LINGO2: variants seen among roughly 807,000 people sequenced by gnomAD.
The protein encoded by LINGO2 is leucine rich repeat and Ig domain containing 2, also known as leucine-rich repeat and immunoglobulin-like domain-containing nogo receptor-interacting protein 2.
LINGO2 carries 14 observed loss-of-function variants against 30.6 expected under a neutral mutation model. The observed-to-expected ratio is 0.46, with a 90% CI of 0.30 to 0.72. The LOEUF is 0.72. LINGO2 is among the 30% of genes least tolerant of loss of function. The probability of loss-of-function intolerance (pLI) is 0.07; values close to 1 mark genes in which losing one functional copy is unlikely to be tolerated. For missense variants in LINGO2, 729 were observed against 751.7 expected, an observed-to-expected ratio of 0.97 and a Z score of 0.35; for synonymous variants, 317 against 288.5, an observed-to-expected ratio of 1.10 and a Z score of -1.00.
Position 28,179,896 on chromosome 9 carries a change from T to C in LINGO2, c.-87+115312A>G, listed in dbSNP as rs541664373. On this transcript the variant is annotated intron_variant, in intron 4 of 5. Transcript: ENST00000379992. ...GCAGCTAAAACTCTGGTATGTTAAA[T>C]TAGAGAAACAAAATAGTCAAATAAT... is the stretch of plus-strand genomic sequence containing the variant. Among the ~76,000 whole-genome samples, 128 of 152,012 alleles carry C rather than the reference T, an allele frequency of 8.4e-4. 1 individual carries two copies. The highest frequency in any genetic ancestry group is 2.7e-3 in the African/African-American group (113 of 41,510).
chr9:28,757,120 T>A, the LINGO2 span, among the ~76,000 whole-genome samples: 1 of 152,068 alleles, frequency 6.6e-6, no homozygotes, highest in Non-Finnish European at 1.5e-5. Context: ...ATCCTATAAA[T>A]GACAAATGTA....
chr9:28,311,403 C>T (rs962358835), intron 3 of LINGO2, among the ~76,000 whole-genome samples: 21 of 152,172 alleles, frequency 1.4e-4, no homozygotes, highest in Admixed American at 3.9e-4. Context: ...ATTTATTAGG[C>T]GGGAATTTCC....
At chr9:28,985,810 T>C in the LINGO2 span, among the ~76,000 whole-genome samples, 907 of 152,156 alleles carry the variant, frequency 6.0e-3, 8 homozygotes, top group African/African-American at 0.021. Flanking sequence ...TCCCAATCCC[T>C]AAGTTTTTTA....
At chr9:29,190,297 A>G in the LINGO2 span, among the ~76,000 whole-genome samples, 1 of 152,308 alleles carries the variant, frequency 6.6e-6, no homozygotes, top group Admixed American at 6.5e-5. Flanking sequence ...TGATTATAAT[A>G]ATTAAATATT....
intron 2 of LINGO2, among the ~76,000 whole-genome samples, chr9:28,450,905 C>T (rs1824624173): frequency 6.6e-6 from 1 of 151,846 alleles, no homozygotes; most frequent in Non-Finnish European, 1.5e-5. Flanking sequence ...TTAAATGGCC[C>T]ACTCTCCTCA....
At chr9:28,690,539 T>G in the LINGO2 span, among the ~76,000 whole-genome samples, 16 of 152,310 alleles carry the variant, frequency 1.1e-4, no homozygotes, top group Non-Finnish European at 1.9e-4. Flanking sequence ...GAAAATTTGT[T>G]GTAGTCATTT....
chr9:28,375,131 CA>C (rs1564159244), intron 2 of LINGO2, among the ~76,000 whole-genome samples: 6 of 129,058 alleles, frequency 4.6e-5, no homozygotes, highest in Middle Eastern at 3.9e-3. Flanking sequence ...CACACACACA[CA>C]CATACACCCC....
chr9:28,678,258 G>A, the LINGO2 span, among the ~76,000 whole-genome samples: 12 of 151,766 alleles, frequency 7.9e-5, no homozygotes, highest in Non-Finnish European at 1.5e-4. Context: ...CTCTCACCAG[G>A]CTCCATCTGT....
At chr9:28,605,527 T>G (rs1587947788) in intron 1 of LINGO2, among the ~76,000 whole-genome samples, 1 of 152,142 alleles carries the variant, frequency 6.6e-6, no homozygotes, top group African/African-American at 2.4e-5. Context: ...ATATTGTATA[T>G]CTCTCACTAA....
chr9:28,785,076 GAAAA>G, the LINGO2 span, among the ~76,000 whole-genome samples: 1 of 151,922 alleles, frequency 6.6e-6, no homozygotes, highest in African/African-American at 2.4e-5. Context: ...TAAAAAGAAA[GAAAA>G]CAATTCAGGA....
At chr9:29,007,097 C>T in the LINGO2 span, among the ~76,000 whole-genome samples, 1 of 152,048 alleles carries the variant, frequency 6.6e-6, no homozygotes, top group Non-Finnish European at 1.5e-5. Flanking sequence ...TTATTTTTGA[C>T]ATGAAAACAT....
intron 4 of LINGO2, among the ~76,000 whole-genome samples, chr9:28,030,170 A>G (rs1298199392): frequency 6.6e-6 from 1 of 152,196 alleles, no homozygotes; most frequent in African/African-American, 2.4e-5. Flanking sequence ...CACTGCACAG[A>G]CAAGTGCTTA....
At chr9:29,006,604 A>C in the LINGO2 span, among the ~76,000 whole-genome samples, 1 of 152,064 alleles carries the variant, frequency 6.6e-6, no homozygotes, top group Admixed American at 6.6e-5. Context: ...ATTAAGGAAC[A>C]CTTTACTTTT....
chr9:28,981,129 C>T, the LINGO2 span, among the ~76,000 whole-genome samples: 1 of 152,098 alleles, frequency 6.6e-6, no homozygotes, highest in Non-Finnish European at 1.5e-5. Context: ...GATGAAGTGG[C>T]TAGCTTCTTA....
At chr9:28,837,649 A>AATATATATATATATATAT in the LINGO2 span, among the ~76,000 whole-genome samples, 1,044 of 75,570 alleles carry the variant, frequency 0.014, 136 homozygotes, top group East Asian at 0.021. Flanking sequence ...CTCCGTCTAA[A>AATATATATATATATATAT]ATATATATAT....
chr9:27,971,125 T>C (rs1820331177), intron 5 of LINGO2, among the ~76,000 whole-genome samples: 1 of 152,106 alleles, frequency 6.6e-6, no homozygotes, highest in African/African-American at 2.4e-5. Flanking sequence ...CCAAGTTCTA[T>C]AGCTACATGC....
the LINGO2 span, among the ~76,000 whole-genome samples, chr9:29,124,710 GA>G: frequency 3.3e-5 from 5 of 152,112 alleles, no homozygotes; most frequent in African/African-American, 9.7e-5. Context: ...ACCACAATAA[GA>G]TACCATCTCA....
chr9:28,251,467 A>T (rs762420898), intron 4 of LINGO2, among the ~76,000 whole-genome samples: 5 of 152,116 alleles, frequency 3.3e-5, no homozygotes, highest in Non-Finnish European at 5.9e-5. Context: ...TGTGTGACAA[A>T]TTTCAAGTCC....
chr9:28,670,932 A>G (rs1278660821), upstream of LINGO2, among the ~76,000 whole-genome samples: 4 of 152,170 alleles, frequency 2.6e-5, no homozygotes, highest in Non-Finnish European at 5.9e-5. Context: ...GTATAAAATT[A>G]TATAGCAACT....
Sources: gnomAD v4.1 joint callset for allele counts (sites outside exome capture counted in the v4.1 genomes callset) on GRCh38, gnomAD v4.1.1 for gene constraint, MANE v1.5 for transcripts, NCBI Gene and HGNC (gene_info 2026-07-23, HGNC 2026-07-21) for gene names.